The following BANK1 variants were observed in gnomAD, a reference collection of about 807,000 sequenced individuals.
BANK1 encodes B cell scaffold protein with ankyrin repeats 1.
Under a neutral mutation model 94.5 loss-of-function variants are expected in BANK1, and 95 were observed. That is an observed-to-expected ratio of 1.00 (90% confidence interval 0.85 to 1.19). The LOEUF (loss-of-function observed/expected upper bound fraction) is 1.19, where lower values mean the gene tolerates loss of function less well. Ranked by LOEUF, BANK1 falls within the 50% of genes most tolerant of loss-of-function variation. The pLI, the probability that BANK1 is intolerant of heterozygous loss-of-function variation, is 0.00. For missense variants in BANK1, 987 were observed against 932.2 expected (o/e 1.06, Z -0.77); for synonymous variants, 334 against 308.4 (o/e 1.08, Z -0.87).
At chr4:101,813,536 A>AC (rs995038151) in intron 1 of BANK1, among the ~76,000 whole-genome samples, 15 of 152,208 alleles carry the variant, frequency 9.9e-5, no homozygotes, top group Admixed American at 5.9e-4. Context: ...CCTTTCCTGA[A>AC]CCCCAATTCT....
chr4:101,878,974 T>C (rs1367393292), intron 5 of BANK1, among the ~76,000 whole-genome samples: 2 of 147,926 alleles, frequency 1.4e-5, no homozygotes, highest in African/African-American at 5.1e-5. Flanking sequence ...GAAGTTTATA[T>C]CTATAAGTGC....
chr4:101,802,496 G>A (rs748098640), intron 1 of BANK1, among the ~76,000 whole-genome samples: 1 of 152,104 alleles, frequency 6.6e-6, no homozygotes, highest in Non-Finnish European at 1.5e-5. Context: ...AAAGAAAACG[G>A]GCTGCTTTTT....
rs141258374 is a variant in BANK1, at chr4:101,918,097, T to C, written c.1114T>C (p.Ser372Pro). The C allele has an allele frequency of 1.1e-5, 17 of 1,612,296 alleles. No individual in the cohort carries two copies. In the African/African-American group the frequency reaches 2.0e-4, roughly 19 times the overall value. Residue 372 changes from serine to proline, a missense_variant, in exon 7 of 17, where the codon TCT becomes CCT. By Grantham distance (74) the Ser-to-Pro change is moderately conservative. Transcript: ENST00000322953. ...LLQCSGATWA[S>P]KMKNMEGSDP... is the part of the protein sequence containing the mutation. Reference sequence around the variant, plus strand: ...TCAATGTTCAGGAGCAACCTGGGCATCTAAGATGAAAAATATGGAGGGTTC... The same window carrying C: ...TCAATGTTCAGGAGCAACCTGGGCACCTAAGATGAAAAATATGGAGGGTTC...
intron 5 of BANK1, among the ~76,000 whole-genome samples, chr4:101,880,146 A>G (rs1728626286): frequency 6.6e-6 from 1 of 152,152 alleles, no homozygotes; most frequent in South Asian, 2.1e-4. Flanking sequence ...AAGAAGTCAA[A>G]TTATCCTTGT....
At chr4:101,795,061 A>T (rs1251970220) in intron 1 of BANK1, among the ~76,000 whole-genome samples, 4 of 151,188 alleles carry the variant, frequency 2.6e-5, no homozygotes, top group Non-Finnish European at 3.0e-5. Flanking sequence ...TATATGCCTC[A>T]TTTTTTTTTT....
At chr4:101,811,977 A>G (rs922633324) in intron 1 of BANK1, among the ~76,000 whole-genome samples, 17 of 152,036 alleles carry the variant, frequency 1.1e-4, no homozygotes, top group African/African-American at 3.9e-4. Flanking sequence ...TGTTCTTTAT[A>G]ATAATCATTA....
rs1390681711 is a variant in BANK1 at position 101,931,681 on chromosome 4, T to G, written c.1206+13492T>G. Among the ~76,000 whole-genome samples, 3 of 151,592 alleles carry G rather than the reference T, an allele frequency of 2.0e-5. No homozygotes were observed. The East Asian group carries it at 5.8e-4, about 30-fold the overall frequency. On this transcript the variant is annotated intron_variant, in intron 7 of 16. Coordinates refer to ENST00000322953, the MANE Select transcript of BANK1 (RefSeq NM_017935.5). ...TGAATAGCACAAGTATTGATTTGAT[T>G]TTAAATCTCTATGACATTTTCTTCC...
At chr4:101,835,997 G>T (rs1273694048) in intron 2 of BANK1, among the ~76,000 whole-genome samples, 1 of 152,010 alleles carries the variant, frequency 6.6e-6, no homozygotes, top group Non-Finnish European at 1.5e-5. Context: ...TTCAAAGTCA[G>T]TTGACAAGTT....
chr4:101,812,068 A>T (rs998491087), intron 1 of BANK1, among the ~76,000 whole-genome samples: 16 of 152,026 alleles, frequency 1.1e-4, no homozygotes, highest in African/African-American at 3.6e-4. Flanking sequence ...ACATTATAAT[A>T]CTTATGAATG....
Position 102,060,344 on chromosome 4 carries a change from T to TAAAC in BANK1, c.2105_2108dup (p.His703GlnfsTer37). On this transcript the variant is annotated frameshift_variant, in exon 12 of 17. Coordinates refer to ENST00000322953, the MANE Select transcript of BANK1 (RefSeq NM_017935.5). LOFTEE classifies it high-confidence loss of function. ...CTATGGATGAAGCTCTGGAGAAATTTAAACACTGGCAGATGGGAAAAAGTG... is the reference window on the plus strand; with the variant it reads ...CTATGGATGAAGCTCTGGAGAAATTTAAACAAACACTGGCAGATGGGAAAAAGTG... 9 of 1,610,862 alleles carry TAAAC rather than the reference T, an allele frequency of 5.6e-6. No homozygotes were observed. Among genetic ancestry groups the TAAAC allele is most frequent in the Non-Finnish European group, 7.6e-6 (9 of 1,178,894 alleles).
chr4:102,073,759 A>G lies in BANK1; in HGVS notation c.*5+11A>G, dbSNP rs556905603. 1.3e-6 allele frequency: 2 copies of G among 1,594,596 alleles called. No homozygotes were observed. The highest frequency in any genetic ancestry group is 2.7e-5 in the African/African-American group (2 of 74,326). ...AGATCATTAAAGAAGGTAAAATATT[A>G]GCTGTGTATATTTTTTAGAAAATCT... On this transcript the variant is annotated intron_variant, in intron 16 of 16. Coordinates refer to ENST00000322953, the MANE Select transcript of BANK1 (RefSeq NM_017935.5).
rs540794681 is a variant in BANK1 at position 101,850,431 on chromosome 4, C to A, written c.470-4604C>A. Among the ~76,000 whole-genome samples the A allele has an allele frequency of 2.7e-5, 4 of 147,994 alleles. No individual in the cohort carries two copies. The South Asian group carries it at 6.6e-4, about 24-fold the overall frequency. ...GGATTACAGGCGTGTGCCATGACAC[C>A]CAACTAATTTTTTTTTTTTTTTGTA... On this transcript the variant is annotated intron_variant, in intron 2 of 16. Coordinates refer to ENST00000322953, the MANE Select transcript of BANK1 (RefSeq NM_017935.5).
At chr4:101,879,283 A>G (rs923624037) in intron 5 of BANK1, among the ~76,000 whole-genome samples, 1 of 152,100 alleles carries the variant, frequency 6.6e-6, no homozygotes, top group Non-Finnish European at 1.5e-5. Context: ...TACAACCAAT[A>G]CCTAGAAATC....
intron 5 of BANK1, among the ~76,000 whole-genome samples, chr4:101,879,860 T>C (rs1032692463): frequency 3.3e-5 from 5 of 152,086 alleles, no homozygotes; most frequent in East Asian, 3.9e-4. Context: ...TTTCAATTGA[T>C]GCTGAAAAAG....
intron 7 of BANK1, among the ~76,000 whole-genome samples, chr4:102,010,233 C>A (rs1266656675): frequency 6.6e-6 from 1 of 151,914 alleles, no homozygotes; most frequent in South Asian, 2.1e-4. Flanking sequence ...CCACTGCACT[C>A]CAGCCTGGGC....
intron 5 of BANK1, among the ~76,000 whole-genome samples, chr4:101,884,946 T>C (rs183974678): frequency 9.9e-4 from 151 of 152,296 alleles, no homozygotes; most frequent in African/African-American, 3.4e-3. Context: ...TTCACTCTTG[T>C]CACTCAGGCT....
chr4:101,980,493 G>A (rs965472658), intron 7 of BANK1, among the ~76,000 whole-genome samples: 1 of 151,298 alleles, frequency 6.6e-6, no homozygotes, highest in Admixed American at 6.6e-5. Flanking sequence ...TAAATGAGTC[G>A]TGACAGTGTG....
chr4:101,968,559 C>G (rs1021470004), intron 7 of BANK1, among the ~76,000 whole-genome samples: 6 of 151,706 alleles, frequency 4.0e-5, no homozygotes, highest in African/African-American at 9.7e-5. Flanking sequence ...AGTAACAATG[C>G]CCCGTTGGTT....
chr4:102,062,925 G>T (rs1728467342), intron 12 of BANK1, 150 bp from the exon 13 acceptor site: 2 of 605,322 alleles, frequency 3.3e-6, no homozygotes, highest in Non-Finnish European at 5.9e-6. Context: ...AAGATAACGT[G>T]GAAAGTATCA....
Sources: gnomAD v4.1 joint callset for allele counts (sites outside exome capture counted in the v4.1 genomes callset) on GRCh38, gnomAD v4.1.1 for gene constraint, MANE v1.5 for transcripts, NCBI Gene and HGNC (gene_info 2026-07-23, HGNC 2026-07-21) for gene names.